MEF2D: variants seen among roughly 807,000 people sequenced by gnomAD.
MEF2D encodes myocyte enhancer factor 2D, also known as myocyte-specific enhancer factor 2D.
Under a neutral mutation model 59.3 loss-of-function variants are expected in MEF2D, and 10 were observed. The ratio of observed to expected loss-of-function variants is 0.17; its 90% CI spans 0.10 to 0.29. The LOEUF is 0.29. Ranked by LOEUF, MEF2D falls within the 10% of genes least tolerant of loss-of-function variation. The pLI is 1.00. For synonymous variants in MEF2D, 305 were observed against 295.0 expected, an observed-to-expected ratio of 1.03 and a Z score of -0.35; for missense variants, 508 against 699.4, an observed-to-expected ratio of 0.73 and a Z score of 3.09.
chr1:156,493,908 G>T (rs779827082), intron 1 of MEF2D, among the ~76,000 whole-genome samples: 1 of 152,104 alleles, frequency 6.6e-6, no homozygotes, highest in Non-Finnish European at 1.5e-5. Context: ...GCTGACAGGT[G>T]GGGGAGATAA....
At chr1:156,472,271 C>T (rs1248536410) in intron 9 of MEF2D, among the ~76,000 whole-genome samples, 1 of 152,340 alleles carries the variant, frequency 6.6e-6, no homozygotes, top group Middle Eastern at 3.4e-3. Flanking sequence ...CCTCATAGAC[C>T]TCCTGTCTAC....
chr1:156,499,487 G>C (rs1253034995), intron 1 of MEF2D: 1 of 152,134 alleles, frequency 6.6e-6, no homozygotes, highest in Admixed American at 6.5e-5. Flanking sequence ...AGGAGTCCTC[G>C]GAAGGCTGCT....
At chr1:156,498,377 G>A (rs1040438551) in intron 1 of MEF2D, among the ~76,000 whole-genome samples, 8 of 152,132 alleles carry the variant, frequency 5.3e-5, no homozygotes, top group Non-Finnish European at 1.2e-4. Flanking sequence ...CCAACACAAG[G>A]ATCATGAGGC....
rs1446506234 is a variant in MEF2D, at chr1:156,466,493, G to A, written c.*1152C>T. The A allele has an allele frequency of 6.5e-6, 1 of 153,004 alleles. No individual in the cohort carries two copies. Among genetic ancestry groups the A allele is most frequent in the African/African-American group, 2.4e-5 (1 of 41,392 alleles). The allele number at this position is 153,004 out of a possible 1,614,324, so 9.5% of individuals were successfully genotyped here. On this transcript the variant is annotated 3_prime_UTR_variant, in exon 12 of 12. Transcript: ENST00000348159. ...AGAAGGAGCTAACAGGAGAAGCTAGGGAGAGGGGCCAAGGAGGAATGAGGG... is the reference window on the plus strand; with the variant it reads ...AGAAGGAGCTAACAGGAGAAGCTAGAGAGAGGGGCCAAGGAGGAATGAGGG...
At chr1:156,478,342 G>C (rs547317602) in intron 6 of MEF2D, among the ~76,000 whole-genome samples, 4 of 152,212 alleles carry the variant, frequency 2.6e-5, no homozygotes, top group African/African-American at 9.6e-5. Context: ...TGTCCCCTAA[G>C]AGCATGCTGT....
Position 156,475,130 on chromosome 1 carries a change from G to A in MEF2D, c.984C>T (p.Ser328=), listed in dbSNP as rs1383982650. 2.5e-6 allele frequency: 4 copies of A among 1,614,124 alleles called. No individual in the cohort carries two copies. The African/African-American group carries it at 5.3e-5, about 22-fold the overall frequency. ...CACCTGTGTTGTAGGCAGTGGGCATGGAAGAGAAGGGGAGGCCCTGGCTGA... is the reference window on the plus strand; with the variant it reads ...CACCTGTGTTGTAGGCAGTGGGCATAGAAGAGAAGGGGAGGCCCTGGCTGA... The part of the protein sequence containing the change: ...SLLSQGLPFS[S]MPTAYNTDYQ... Residue 328 remains serine, a synonymous_variant, in exon 9 of 12, where the codon TCC becomes TCT. Coordinates refer to ENST00000348159, the MANE Select transcript of MEF2D (RefSeq NM_005920.4).
At chr1:156,479,235 G>A in intron 6 of MEF2D, 55 bp downstream of exon 6, 1 of 1,489,816 alleles carries the variant, frequency 6.7e-7, no homozygotes. Context: ...GACCCCCTGA[G>A]GCCACTGAGC....
chr1:156,492,700 G>A lies in MEF2D; in HGVS notation c.-139+7786C>T, dbSNP rs536250401. ...CCCTTGGCTATCAGAAGCCCTGGCT[G>A]AGGAGAGGTGGGGGCGGTTGGGACG... On this transcript the variant is annotated intron_variant, in intron 1 of 11. Transcript: ENST00000348159. Among the ~76,000 whole-genome samples, 6 of 152,346 alleles carry A rather than the reference G, an allele frequency of 3.9e-5. No homozygotes were observed. The East Asian group carries it at 1.2e-3, about 29-fold the overall frequency.
intron 1 of MEF2D, among the ~76,000 whole-genome samples, chr1:156,492,105 G>A (rs1557895627): frequency 6.6e-6 from 1 of 152,266 alleles, no homozygotes; most frequent in Non-Finnish European, 1.5e-5. Context: ...TTCACAGGGT[G>A]AAGTGTGGCT....
intron 9 of MEF2D, among the ~76,000 whole-genome samples, chr1:156,471,262 C>T (rs1671219789): frequency 1.3e-5 from 2 of 152,100 alleles, no homozygotes; most frequent in African/African-American, 2.4e-5. Flanking sequence ...TCCCGAGTAG[C>T]TGGGATTATA....
In MEF2D at chr1:156,486,864, CTG is replaced by C. The variant is rs539845586; in HGVS notation, c.-138-3436_-138-3435del. 5.9e-5 allele frequency among the ~76,000 whole-genome samples: 9 copies of C among 152,334 alleles called. No individual in the cohort carries two copies. In the South Asian group the frequency reaches 1.9e-3, roughly 32 times the overall value. On this transcript the variant is annotated intron_variant, in intron 1 of 11. Transcript: ENST00000348159. Reference sequence around the variant, plus strand: ...AAAATACTATTTCATTGTTGTGGTGCTGTGAGAAGTCCTTCTTGCAGTCTAAC... The same window carrying C: ...AAAATACTATTTCATTGTTGTGGTGCTGAGAAGTCCTTCTTGCAGTCTAAC...
intron 1 of MEF2D, among the ~76,000 whole-genome samples, chr1:156,497,533 CCAA>C (rs1571279765): frequency 6.6e-6 from 1 of 152,190 alleles, no homozygotes; most frequent in Non-Finnish European, 1.5e-5. Context: ...CTGATGAACA[CCAA>C]CGATGACCTG....
chr1:156,476,384 A>T (rs1191172291), intron 8 of MEF2D, 110 bp downstream of exon 8: 20 of 1,284,594 alleles, frequency 1.6e-5, no homozygotes, highest in Non-Finnish European at 2.2e-5. Flanking sequence ...AAACAGCAAC[A>T]GTTCACGCAC....
At chr1:156,474,404 A>G (rs1041217113) in intron 9 of MEF2D, among the ~76,000 whole-genome samples, 5 of 152,198 alleles carry the variant, frequency 3.3e-5, no homozygotes, top group Non-Finnish European at 7.3e-5. Context: ...AGCCAAGGTC[A>G]TAACACTGCA....
chr1:156,500,059 G>A (rs1454428652), intron 1 of MEF2D, among the ~76,000 whole-genome samples: 1 of 152,184 alleles, frequency 6.6e-6, no homozygotes, highest in Non-Finnish European at 1.5e-5. Context: ...GGAACAGGCG[G>A]CGAGAGGAGG....
chr1:156,468,256 T>A lies in MEF2D; in HGVS notation c.1291A>T (p.Thr431Ser), dbSNP rs756262900. 6.3e-7 allele frequency: 1 copy of A among 1,586,866 alleles called. No homozygotes were observed. Among genetic ancestry groups the A allele is most frequent in the Non-Finnish European group, 8.6e-7 (1 of 1,164,432 alleles). ...LPHVGAALTV[T>S]THPHISIKSE... ...TTGATGCTGATGTGGGGGTGGGTGG[T>A]GACTGTGAGGGCAGCACCCACGTGG... Residue 431 changes from threonine to serine, a missense_variant, in exon 11 of 12, where the codon ACC becomes TCC. By Grantham distance (58) the Thr-to-Ser change is moderately conservative (BLOSUM62 1). Transcript: ENST00000348159. This position sits in a 1 kb window ranked among gnomAD's most constrained non-coding sequence, Gnocchi z 4.3.
intron 9 of MEF2D, among the ~76,000 whole-genome samples, chr1:156,469,848 T>C (rs1349172084): frequency 6.6e-6 from 1 of 151,874 alleles, no homozygotes; most frequent in Non-Finnish European, 1.5e-5. Context: ...ATCATGCCAC[T>C]GCACTCCAGC....
At chr1:156,474,571 G>A (rs183037997) in intron 9 of MEF2D, among the ~76,000 whole-genome samples, 50 of 152,308 alleles carry the variant, frequency 3.3e-4, no homozygotes, top group Admixed American at 2.8e-3. Context: ...AGCACTTTGG[G>A]AGACTGAGGC....
Position 156,500,598 on chromosome 1 carries a change from A to T in MEF2D, c.-251T>A, listed in dbSNP as rs917319853. The T allele has an allele frequency of 6.6e-6, 1 of 152,070 alleles. No homozygotes were observed. 9.4% of individuals were successfully genotyped at this position (152,070 alleles called of 1,614,324 possible). ...CAGCTCCGGGCGGGGAGAATAATAA[A>T]TGAGGCCGGCGTCCGCGCGGGCCCT... On this transcript the variant is annotated 5_prime_UTR_variant, in exon 1 of 12. Coordinates refer to ENST00000348159, the MANE Select transcript of MEF2D (RefSeq NM_005920.4).
Sources: allele counts gnomAD v4.1 joint callset (sites outside exome capture counted in the v4.1 genomes callset), GRCh38; gene constraint gnomAD v4.1.1; non-coding constraint Gnocchi (gnomAD v3.1); transcripts MANE v1.5; gene names NCBI Gene and HGNC (gene_info 2026-07-23, HGNC 2026-07-21).